Variants in BMP7 observed in about 807,000 individuals in gnomAD.
BMP7 encodes the protein bone morphogenetic protein 7.
BMP7 carries 12 observed loss-of-function variants against 41.2 expected under a neutral mutation model. The observed-to-expected ratio is 0.29, with a 90% CI of 0.19 to 0.47. The LOEUF is 0.47. BMP7 is among the 20% of genes least tolerant of loss of function. BMP7 has a pLI of 0.99. For synonymous variants in BMP7, 248 were observed against 250.0 expected, an observed-to-expected ratio of 0.99 and a Z score of 0.07; for missense variants, 467 against 606.0, an observed-to-expected ratio of 0.77 and a Z score of 2.41.
intron 2 of BMP7, among the ~76,000 whole-genome samples, chr20:57,206,611 A>G (rs1358215186): frequency 2.6e-5 from 4 of 152,198 alleles, no homozygotes; most frequent in Non-Finnish European, 4.4e-5. Flanking sequence ...GATGAAACCC[A>G]GGTGATGGAG....
chr20:57,193,774 A>G (rs1029066827), intron 3 of BMP7, among the ~76,000 whole-genome samples: 2 of 152,244 alleles, frequency 1.3e-5, no homozygotes, highest in African/African-American at 4.8e-5. Flanking sequence ...GATGTAAAGC[A>G]GAAATTGAGT....
intron 1 of BMP7, 21 bp downstream of exon 1, chr20:57,265,684 C>A: frequency 6.3e-7 from 1 of 1,588,254 alleles, no homozygotes; most frequent in South Asian, 1.2e-5. Flanking sequence ...GAGACGCGTA[C>A]CCTCGCCTGC....
At chr20:57,227,150 T>C (rs2066010510) in intron 2 of BMP7, among the ~76,000 whole-genome samples, 1 of 152,106 alleles carries the variant, frequency 6.6e-6, no homozygotes, top group South Asian at 2.1e-4. Flanking sequence ...TGGAAAGAAA[T>C]ATCTTTCATA....
chr20:57,238,811 G>A (rs2066057980), intron 1 of BMP7, among the ~76,000 whole-genome samples: 1 of 152,132 alleles, frequency 6.6e-6, no homozygotes, highest in South Asian at 2.1e-4. Context: ...AAGAGAAAAT[G>A]GGGAAGAAGC....
chr20:57,179,165 G>A (rs915517302), intron 4 of BMP7, among the ~76,000 whole-genome samples: 11 of 152,230 alleles, frequency 7.2e-5, no homozygotes, highest in Admixed American at 4.6e-4. Flanking sequence ...TGTCCCAGCA[G>A]AAAGTGGCCG....
At chr20:57,172,335 A>C (rs780159079) in intron 6 of BMP7, among the ~76,000 whole-genome samples, 1 of 152,258 alleles carries the variant, frequency 6.6e-6, no homozygotes, top group African/African-American at 2.4e-5. Context: ...AACACTTAAA[A>C]AAACAAACAA....
At chr20:57,245,131 A>G (rs934144522) in intron 1 of BMP7, among the ~76,000 whole-genome samples, 1 of 152,186 alleles carries the variant, frequency 6.6e-6, no homozygotes, top group African/African-American at 2.4e-5. Context: ...GAGACGTACA[A>G]AAGCCGCCCC....
intron 2 of BMP7, among the ~76,000 whole-genome samples, chr20:57,205,552 G>C (rs764856508): frequency 7.2e-5 from 11 of 152,168 alleles, no homozygotes; most frequent in African/African-American, 2.4e-4. Flanking sequence ...TTCTCCTACT[G>C]AATCAGGCTC....
At chr20:57,207,225 G>C (rs1984752724) in intron 2 of BMP7, among the ~76,000 whole-genome samples, 1 of 152,164 alleles carries the variant, frequency 6.6e-6, no homozygotes, top group South Asian at 2.1e-4. Flanking sequence ...TGACTACACT[G>C]CTGAAGGAAG....
chr20:57,175,247 T>C (rs969603385), intron 4 of BMP7, among the ~76,000 whole-genome samples: 4 of 152,224 alleles, frequency 2.6e-5, no homozygotes, highest in African/African-American at 7.2e-5. Context: ...CATGTAGTCT[T>C]ATCCCATAAT....
chr20:57,251,260 G>A (rs1300408620), intron 1 of BMP7, among the ~76,000 whole-genome samples: 6 of 152,224 alleles, frequency 3.9e-5, no homozygotes, highest in Admixed American at 3.9e-4. Context: ...CCCCAGAGTA[G>A]GAAACAGGAG....
At chr20:57,236,520 G>C (rs1022146835) in intron 1 of BMP7, among the ~76,000 whole-genome samples, 1 of 152,232 alleles carries the variant, frequency 6.6e-6, no homozygotes, top group African/African-American at 2.4e-5. Flanking sequence ...TTTATGATGA[G>C]AAAGACTAGC....
chr20:57,173,596 C>T, intron 5 of BMP7: 1 of 536,852 alleles, frequency 1.9e-6, no homozygotes, highest in Non-Finnish European at 3.4e-6. Flanking sequence ...TATGATCACA[C>T]CACTGCACCC....
chr20:57,225,913 G>A (rs1264862951), intron 2 of BMP7: 18 of 471,162 alleles, frequency 3.8e-5, no homozygotes, highest in Non-Finnish European at 7.5e-5. Flanking sequence ...ACTCGTGTCT[G>A]GTTCGTTCTG....
At position 57,189,960 on chromosome 20, in the gene BMP7, A is replaced by G. The variant is rs200328558; in HGVS notation, c.761-6041T>C. ...TGGCAGGGACATGACAGTGGGGCAC[A>G]GTGTACAGGGCAGAGTGAGCCATGG... On this transcript the variant is annotated intron_variant, in intron 3 of 6. Transcript: ENST00000395863. Among the ~76,000 whole-genome samples, 6 of 152,324 alleles carry G rather than the reference A, an allele frequency of 3.9e-5. No homozygotes were observed. The East Asian group carries it at 1.2e-3, about 29-fold the overall frequency.
Position 57,187,006 on chromosome 20 carries a change from A to G in BMP7, c.761-3087T>C, listed in dbSNP as rs186940568. On this transcript the variant is annotated intron_variant, in intron 3 of 6. Transcript: ENST00000395863. Reference sequence around the variant, plus strand: ...CCCCCACTAGAAGGCTTTTAGGGCAAAATAAAAATGCCTGGCCTGAAAAGC... The same window carrying G: ...CCCCCACTAGAAGGCTTTTAGGGCAGAATAAAAATGCCTGGCCTGAAAAGC... The G allele has an allele frequency of 1.6e-4, 25 of 152,362 alleles. 1 individual carries two copies. The highest frequency in any genetic ancestry group is 6.0e-4 in the African/African-American group (25 of 41,576). The allele number at this position is 152,362 out of a possible 1,614,324, so 9.4% of individuals were successfully genotyped here.
chr20:57,182,806 G>T (rs574762284), intron 4 of BMP7, among the ~76,000 whole-genome samples: 1 of 152,204 alleles, frequency 6.6e-6, no homozygotes, highest in Admixed American at 6.5e-5. Context: ...CGCACAATGC[G>T]TTAACTTTAC....
chr20:57,176,791 C>CACACACACACACA (rs1555811498), intron 4 of BMP7, among the ~76,000 whole-genome samples: 3 of 149,940 alleles, frequency 2.0e-5, no homozygotes, highest in Admixed American at 6.7e-5. Context: ...CACACACACA[C>CACACACACACACA]CTGTTAACTG....
At chr20:57,190,378 G>A (rs372674043) in intron 3 of BMP7, among the ~76,000 whole-genome samples, 12 of 131,156 alleles carry the variant, frequency 9.1e-5, no homozygotes, top group African/African-American at 2.7e-4. Flanking sequence ...GCTGGAGAGC[G>A]TGAGTGAGGA....
Sources: allele counts gnomAD v4.1 joint callset (sites outside exome capture counted in the v4.1 genomes callset), GRCh38; gene constraint gnomAD v4.1.1; transcripts MANE v1.5; gene names NCBI Gene and HGNC (gene_info 2026-07-23, HGNC 2026-07-21).